PBX1: variants seen among roughly 807,000 people sequenced by gnomAD.
PBX1 encodes PBX homeobox 1.
A neutral mutation model predicts 53.4 loss-of-function variants in PBX1; 6 were observed. The observed-to-expected ratio is 0.11, with a 90% CI of 0.06 to 0.22. The LOEUF (loss-of-function observed/expected upper bound fraction) is 0.22. PBX1 is among the 10% of genes least tolerant of loss of function. The probability of loss-of-function intolerance (pLI) is 1.00; values close to 1 mark genes in which losing one functional copy is unlikely to be tolerated. For missense variants in PBX1, 251 were observed against 551.4 expected (o/e 0.46, Z 5.46); for synonymous variants, 204 against 212.3 (o/e 0.96, Z 0.34).
chr1:164,652,114 G>A (rs1659864982), intron 2 of PBX1: 1 of 151,932 alleles, frequency 6.6e-6, no homozygotes, highest in Admixed American at 6.6e-5. Context: ...CTGGAGTGCA[G>A]TGGCACAATC....
intron 2 of PBX1, among the ~76,000 whole-genome samples, chr1:164,772,057 G>GA (rs1356021450): frequency 3.9e-5 from 6 of 152,196 alleles, no homozygotes; most frequent in Non-Finnish European, 8.8e-5. Context: ...TCCTTTGTCT[G>GA]TTCATCCTTT....
intron 2 of PBX1, among the ~76,000 whole-genome samples, chr1:164,882,027 A>G (rs1672671632): frequency 6.6e-6 from 1 of 152,038 alleles, no homozygotes; most frequent in Non-Finnish European, 1.5e-5. Context: ...GTGCTCCCTG[A>G]TATCCTTCTG....
intron 2 of PBX1, among the ~76,000 whole-genome samples, chr1:164,773,233 G>C (rs1261264392): frequency 1.7e-5 from 1 of 60,230 alleles, no homozygotes; most frequent in Non-Finnish European, 3.3e-5. Context: ...CTTGCATATA[G>C]GTAACACGCG....
chr1:164,786,731 ACACACACACG>A (rs1558007321), intron 2 of PBX1, among the ~76,000 whole-genome samples: 5 of 142,432 alleles, frequency 3.5e-5, no homozygotes, highest in African/African-American at 1.4e-4. Context: ...GCGCGCGCAC[ACACACACACG>A]CACAGAATAG....
intron 2 of PBX1, among the ~76,000 whole-genome samples, chr1:164,747,424 C>G (rs1665956177): frequency 6.6e-6 from 1 of 151,838 alleles, no homozygotes; most frequent in South Asian, 2.1e-4. Context: ...CAGAAGATAA[C>G]TTTGGTCATG....
intron 2 of PBX1, among the ~76,000 whole-genome samples, chr1:164,622,717 A>C (rs992290463): frequency 6.6e-6 from 1 of 152,020 alleles, no homozygotes; most frequent in Non-Finnish European, 1.5e-5. Flanking sequence ...TCCAGGCTTA[A>C]CCAGCTGTTT....
At position 164,699,745 on chromosome 1, in the gene PBX1, G is replaced by A. The variant is rs148753835; in HGVS notation, c.266-92749G>A. 2.6e-3 allele frequency among the ~76,000 whole-genome samples: 398 copies of A among 152,130 alleles called. 2 individuals are homozygous for A. Among genetic ancestry groups the A allele is most frequent in the Middle Eastern group, 0.017 (5 of 294 alleles). ...GATGTGGAGGAAAATTCTTCTTCTC[G>A]TTGCTCCCACCTCTCCCCATCCCCT... is the stretch of plus-strand genomic sequence containing the variant. On this transcript the variant is annotated intron_variant, in intron 2 of 8. Transcript: ENST00000420696.
chr1:164,566,694 T>G (rs756631501), intron 2 of PBX1, among the ~76,000 whole-genome samples: 1 of 152,186 alleles, frequency 6.6e-6, no homozygotes, highest in African/African-American at 2.4e-5. Flanking sequence ...TTTCCTGATG[T>G]TTTTTATTCC....
intron 2 of PBX1, chr1:164,884,556 C>A (rs765566522): frequency 1.6e-5 from 8 of 513,986 alleles, no homozygotes; most frequent in South Asian, 1.1e-4. Flanking sequence ...TTGCAAGAAC[C>A]TATTGATGGC....
intron 2 of PBX1, among the ~76,000 whole-genome samples, chr1:164,857,537 G>A (rs1053316000): frequency 6.6e-6 from 1 of 152,192 alleles, no homozygotes; most frequent in Admixed American, 6.5e-5. Context: ...CTCTTACCCA[G>A]GAATTGTGGG....
At chr1:164,817,884 C>A (rs1669956078) in intron 6 of PBX1, 1 of 152,160 alleles carries the variant, frequency 6.6e-6, no homozygotes, top group Non-Finnish European at 1.5e-5. Flanking sequence ...ACAGTGGAAC[C>A]AGTGGAATCT....
chr1:164,884,703 A>G (rs1420159324), intron 2 of PBX1: 3 of 289,376 alleles, frequency 1.0e-5, no homozygotes, highest in African/African-American at 2.2e-5. Flanking sequence ...CTGGCCAGTC[A>G]TATCAGCCAA....
intron 7 of PBX1, 133 bp from the exon 8 acceptor site, chr1:164,821,404 C>T: frequency 1.4e-6 from 1 of 709,148 alleles, no homozygotes; most frequent in South Asian, 1.6e-5. Flanking sequence ...AATGGACTCT[C>T]CCAGGACAAC....
chr1:164,623,380 G>A (rs796335145), intron 2 of PBX1, among the ~76,000 whole-genome samples: 9 of 152,336 alleles, frequency 5.9e-5, no homozygotes, highest in African/African-American at 9.6e-5. Flanking sequence ...GGGCACACCC[G>A]TGTGCACCAT....
intron 2 of PBX1, among the ~76,000 whole-genome samples, chr1:164,749,167 A>G (rs1286116512): frequency 3.3e-5 from 5 of 152,220 alleles, no homozygotes; most frequent in African/African-American, 1.2e-4. Flanking sequence ...CCCTTCAAAT[A>G]TACAACTCAT....
chr1:164,793,872 C>CTTTTTTTTT (rs72414989), intron 3 of PBX1, among the ~76,000 whole-genome samples: 35 of 78,212 alleles, frequency 4.5e-4, no homozygotes, highest in Non-Finnish European at 5.7e-4. Flanking sequence ...TTTTTCCTTT[C>CTTTTTTTTT]TTTTTTTTTT....
At chr1:164,683,375 C>T (rs1178733890) in intron 2 of PBX1, 1 of 152,200 alleles carries the variant, frequency 6.6e-6, no homozygotes, top group South Asian at 2.1e-4. Context: ...CCCAGCGATT[C>T]TTCTAACAGG....
intron 2 of PBX1, among the ~76,000 whole-genome samples, chr1:164,580,866 A>G (rs892534144): frequency 6.6e-6 from 1 of 152,178 alleles, no homozygotes; most frequent in Non-Finnish European, 1.5e-5. Context: ...GGTATGAGCC[A>G]CCGCACCTGG....
intron 2 of PBX1, among the ~76,000 whole-genome samples, chr1:164,673,184 T>C (rs1661208240): frequency 1.3e-5 from 2 of 152,128 alleles, no homozygotes; most frequent in South Asian, 4.1e-4. Flanking sequence ...ATGATCATAG[T>C]ATATGATATG....
Sources: gnomAD v4.1 joint callset for allele counts (sites outside exome capture counted in the v4.1 genomes callset) on GRCh38, gnomAD v4.1.1 for gene constraint, MANE v1.5 for transcripts, NCBI Gene and HGNC (gene_info 2026-07-23, HGNC 2026-07-21) for gene names.